TMEM177: variants seen among roughly 807,000 people sequenced by gnomAD.
TMEM177 encodes transmembrane protein 177.
TMEM177 carries 4 observed loss-of-function variants against 14.2 expected under a neutral mutation model. The ratio of observed to expected loss-of-function variants is 0.28; its 90% CI spans 0.14 to 0.64. The LOEUF (loss-of-function observed/expected upper bound fraction) is 0.64, where lower values mean the gene tolerates loss of function less well. TMEM177 is among the 30% of genes least tolerant of loss of function. The pLI, the probability that TMEM177 is intolerant of heterozygous loss-of-function variation, is 0.82. For synonymous variants in TMEM177, 179 were observed against 174.5 expected (o/e 1.03, Z -0.20); for missense variants, 344 against 405.2 (o/e 0.85, Z 1.30).
downstream of TMEM177, among the ~76,000 whole-genome samples, chr2:119,687,959 C>T (rs1421506442): frequency 1.3e-5 from 2 of 152,156 alleles, no homozygotes; most frequent in African/African-American, 4.8e-5. Flanking sequence ...TAATTTCAAA[C>T]CTATGTATTT....
chr2:119,712,236 A>G, the TMEM177 span, among the ~76,000 whole-genome samples: 1 of 151,708 alleles, frequency 6.6e-6, no homozygotes, highest in Admixed American at 6.6e-5. Flanking sequence ...GTTGCTGTCA[A>G]TTCTGTACTC....
At chr2:119,715,296 G>C in the TMEM177 span, among the ~76,000 whole-genome samples, 1 of 152,202 alleles carries the variant, frequency 6.6e-6, no homozygotes, top group African/African-American at 2.4e-5. Context: ...GGTGAGGTGG[G>C]AGAATTGCTT....
At chr2:119,701,663 C>T in the TMEM177 span, among the ~76,000 whole-genome samples, 1 of 152,210 alleles carries the variant, frequency 6.6e-6, no homozygotes, top group Non-Finnish European at 1.5e-5. Context: ...GCCGGTTTAT[C>T]AAGACAGGAG....
the TMEM177 span, among the ~76,000 whole-genome samples, chr2:119,693,216 C>T: frequency 4.6e-5 from 7 of 152,120 alleles, no homozygotes; most frequent in Non-Finnish European, 7.4e-5. Flanking sequence ...ACAGCAGCAC[C>T]CTTTTGTGGA....
At chr2:119,694,280 CCACACACACACA>C in the TMEM177 span, among the ~76,000 whole-genome samples, 57 of 149,798 alleles carry the variant, frequency 3.8e-4, no homozygotes, top group African/African-American at 1.3e-3. Flanking sequence ...GTGTGGTATA[CCACACACACACA>C]CACACACACA....
the TMEM177 span, among the ~76,000 whole-genome samples, chr2:119,700,549 A>T: frequency 1.3e-5 from 2 of 152,182 alleles, no homozygotes; most frequent in Non-Finnish European, 2.9e-5. Context: ...TGCTTTGCAG[A>T]TGAGAAAAAT....
the TMEM177 span, among the ~76,000 whole-genome samples, chr2:119,696,397 T>C: frequency 1.4e-4 from 21 of 152,296 alleles, no homozygotes; most frequent in Non-Finnish European, 2.5e-4. Flanking sequence ...GTGGGGGCAG[T>C]GCTTCACACA....
intron 1 of TMEM177, 106 bp from the exon 2 acceptor site, chr2:119,680,726 C>A: frequency 1.2e-6 from 1 of 834,728 alleles, no homozygotes; most frequent in Non-Finnish European, 1.9e-6. Flanking sequence ...CTCTTCACCA[C>A]TATGCTGTGT....
chr2:119,699,273 G>T, the TMEM177 span, among the ~76,000 whole-genome samples: 1 of 152,150 alleles, frequency 6.6e-6, no homozygotes, highest in Admixed American at 6.5e-5. Context: ...ATGGCAGGAA[G>T]AGAAGTGCCA....
chr2:119,699,579 G>A, the TMEM177 span, among the ~76,000 whole-genome samples: 5 of 152,266 alleles, frequency 3.3e-5, no homozygotes, highest in East Asian at 9.6e-4. Flanking sequence ...GAAGAGGAGG[G>A]GCCAGGCTCC....
At chr2:119,721,127 A>C in the TMEM177 span, among the ~76,000 whole-genome samples, 2 of 152,230 alleles carry the variant, frequency 1.3e-5, no homozygotes, top group African/African-American at 2.4e-5. Context: ...GTTTATGCTG[A>C]GATGGCTCAG....
chr2:119,696,601 G>A, the TMEM177 span, among the ~76,000 whole-genome samples: 4 of 152,228 alleles, frequency 2.6e-5, no homozygotes, highest in Non-Finnish European at 4.4e-5. Flanking sequence ...GATAAGCAGG[G>A]CAGCAGTGGG....
chr2:119,707,133 G>A, the TMEM177 span, among the ~76,000 whole-genome samples: 1 of 151,904 alleles, frequency 6.6e-6, no homozygotes, highest in East Asian at 1.9e-4. Flanking sequence ...GGCTGGTCTC[G>A]AACTACTGGC....
chr2:119,713,333 G>A, the TMEM177 span, among the ~76,000 whole-genome samples: 31 of 152,276 alleles, frequency 2.0e-4, no homozygotes, highest in Non-Finnish European at 2.2e-4. Context: ...CTCCCAAAGT[G>A]CTGGGATCAT....
chr2:119,690,087 C>A (rs1689070975), downstream of TMEM177, among the ~76,000 whole-genome samples: 1 of 152,200 alleles, frequency 6.6e-6, no homozygotes, highest in African/African-American at 2.4e-5. Context: ...GTGTCCCCAA[C>A]CAAATCTCAT....
At chr2:119,695,779 T>A in the TMEM177 span, among the ~76,000 whole-genome samples, 1 of 152,252 alleles carries the variant, frequency 6.6e-6, no homozygotes, top group African/African-American at 2.4e-5. Flanking sequence ...ACACAGTTGA[T>A]CCTCTTTTGA....
At chr2:119,722,539 CTG>C in the TMEM177 span, among the ~76,000 whole-genome samples, 1 of 152,192 alleles carries the variant, frequency 6.6e-6, no homozygotes, top group Non-Finnish European at 1.5e-5. Flanking sequence ...GGAAGAGACT[CTG>C]TTTTCTCATC....
chr2:119,710,889 C>T, the TMEM177 span, among the ~76,000 whole-genome samples: 1 of 152,140 alleles, frequency 6.6e-6, no homozygotes, highest in African/African-American at 2.4e-5. Context: ...GGGTTACAGG[C>T]GTGAGCCACC....
chr2:119,701,620 C>T, the TMEM177 span, among the ~76,000 whole-genome samples: 2 of 152,204 alleles, frequency 1.3e-5, no homozygotes, highest in African/African-American at 4.8e-5. Flanking sequence ...TGTAACCGCC[C>T]AATGGGTTCA....
Sources: allele counts gnomAD v4.1 joint callset (sites outside exome capture counted in the v4.1 genomes callset), GRCh38; gene constraint gnomAD v4.1.1; transcripts MANE v1.5; gene names NCBI Gene and HGNC (gene_info 2026-07-23, HGNC 2026-07-21).